Variants in HCN1 observed in about 807,000 individuals in gnomAD.
HCN1 encodes potassium/sodium hyperpolarization-activated cyclic nucleotide-gated channel 1.
HCN1 carries 13 observed loss-of-function variants against 78.9 expected under a neutral mutation model. That is an observed-to-expected ratio of 0.16 (90% CI 0.11 to 0.26). HCN1 has a LOEUF of 0.26. Among genes scored for constraint, HCN1 ranks in the 10% least tolerant of loss-of-function variants. The pLI, the probability that HCN1 is intolerant of heterozygous loss-of-function variation, is 1.00. For missense variants in HCN1, 810 were observed against 1,154.3 expected, an observed-to-expected ratio of 0.70 and a Z score of 4.32; for synonymous variants, 552 against 455.5, an observed-to-expected ratio of 1.21 and a Z score of -2.70.
intron 2 of HCN1, among the ~76,000 whole-genome samples, chr5:45,549,778 A>G (rs1037965417): frequency 1.3e-5 from 2 of 152,182 alleles, no homozygotes; most frequent in African/African-American, 4.8e-5. Flanking sequence ...CAGAATCTAC[A>G]AAGAACTCAA....
chr5:45,375,967 A>AG (rs1223277059), intron 4 of HCN1, among the ~76,000 whole-genome samples: 13 of 118,430 alleles, frequency 1.1e-4, no homozygotes, highest in African/African-American at 4.2e-4. Flanking sequence ...ATGATAAAAT[A>AG]TTTTATCACA....
At chr5:45,381,909 G>A (rs1747816773) in intron 4 of HCN1, among the ~76,000 whole-genome samples, 1 of 152,078 alleles carries the variant, frequency 6.6e-6, no homozygotes, top group Non-Finnish European at 1.5e-5. Flanking sequence ...CCATTGAAAT[G>A]TAAACTAATC....
intron 4 of HCN1, among the ~76,000 whole-genome samples, chr5:45,355,426 T>C (rs2111985636): frequency 6.6e-6 from 1 of 152,076 alleles, no homozygotes. Context: ...ACTCTACATT[T>C]GGGACACAGC....
intron 2 of HCN1, among the ~76,000 whole-genome samples, chr5:45,622,705 G>T (rs911074064): frequency 3.9e-5 from 6 of 152,084 alleles, no homozygotes; most frequent in African/African-American, 1.4e-4. Flanking sequence ...GAGATAAAAA[G>T]AAGCCCATCA....
chr5:45,453,579 A>C (rs1740966844), intron 3 of HCN1, among the ~76,000 whole-genome samples: 2 of 152,078 alleles, frequency 1.3e-5, no homozygotes, highest in African/African-American at 4.8e-5. Context: ...GGTTTATAAA[A>C]GATGAAGTTG....
intron 2 of HCN1, among the ~76,000 whole-genome samples, chr5:45,523,009 T>TC (rs1363037343): frequency 2.2e-5 from 3 of 136,680 alleles, no homozygotes; most frequent in Non-Finnish European, 4.7e-5. Flanking sequence ...CCCTCCCCAC[T>TC]CCCCCCACCC....
chr5:45,494,526 A>G (rs1001373207), intron 2 of HCN1, among the ~76,000 whole-genome samples: 10 of 151,746 alleles, frequency 6.6e-5, no homozygotes, highest in Non-Finnish European at 1.2e-4. Flanking sequence ...GTAGGTTGCG[A>G]AAATTTTCTC....
At chr5:45,613,511 T>C (rs1744883998) in intron 2 of HCN1, among the ~76,000 whole-genome samples, 1 of 152,108 alleles carries the variant, frequency 6.6e-6, no homozygotes, top group South Asian at 2.1e-4. Flanking sequence ...TTTACACTGT[T>C]GGTGGGACTG....
chr5:45,565,819 C>CAAT (rs753853682), intron 2 of HCN1, among the ~76,000 whole-genome samples: 5 of 151,922 alleles, frequency 3.3e-5, no homozygotes, highest in Non-Finnish European at 5.9e-5. Context: ...ACAACAACAA[C>CAAT]AATAATAATA....
intron 3 of HCN1, among the ~76,000 whole-genome samples, chr5:45,402,326 C>T (rs1355659345): frequency 6.6e-6 from 1 of 152,112 alleles, no homozygotes; most frequent in Non-Finnish European, 1.5e-5. Context: ...TGGTTCTTAA[C>T]TAAGGATGAT....
At chr5:45,351,809 A>C (rs1050994635) in intron 5 of HCN1, among the ~76,000 whole-genome samples, 3 of 151,732 alleles carry the variant, frequency 2.0e-5, no homozygotes, top group African/African-American at 7.3e-5. Context: ...GAGAAATGCA[A>C]ATCAAAACCA....
chr5:45,657,899 T>G (rs1478233992), intron 1 of HCN1, among the ~76,000 whole-genome samples: 1 of 152,168 alleles, frequency 6.6e-6, no homozygotes, highest in Admixed American at 6.5e-5. Flanking sequence ...ACTTTAAAGT[T>G]CATATGGAAC....
chr5:45,440,397 C>A (rs1740647097), intron 3 of HCN1, among the ~76,000 whole-genome samples: 1 of 152,238 alleles, frequency 6.6e-6, no homozygotes, highest in East Asian at 1.9e-4. Context: ...ATTATGTCTG[C>A]TTAATACTTA....
At chr5:45,630,174 T>A (rs763943397) in intron 2 of HCN1, among the ~76,000 whole-genome samples, 4 of 152,096 alleles carry the variant, frequency 2.6e-5, no homozygotes, top group Admixed American at 1.3e-4. Flanking sequence ...CACACGCCAA[T>A]CAATAGGGAC....
chr5:45,442,578 T>A (rs1465719964), intron 3 of HCN1, among the ~76,000 whole-genome samples: 1 of 150,430 alleles, frequency 6.6e-6, no homozygotes, highest in Admixed American at 6.6e-5. Flanking sequence ...TATAGGTATG[T>A]GTATATATAT....
At chr5:45,584,975 T>A (rs1344552588) in intron 2 of HCN1, among the ~76,000 whole-genome samples, 2 of 152,186 alleles carry the variant, frequency 1.3e-5, no homozygotes, top group Non-Finnish European at 2.9e-5. Flanking sequence ...TTTCCTTCAT[T>A]TCAACTTTGG....
At chr5:45,351,564 G>T (rs200435858) in intron 5 of HCN1, among the ~76,000 whole-genome samples, 10,097 of 91,042 alleles carry the variant, frequency 0.11, 539 homozygotes, top group African/African-American at 0.27. Context: ...CACAGCAAAA[G>T]AAACTACCAT....
intron 5 of HCN1, among the ~76,000 whole-genome samples, chr5:45,340,673 C>G (rs2111964453): frequency 6.6e-6 from 1 of 152,072 alleles, no homozygotes. Flanking sequence ...CAACTGATAC[C>G]AGGGTCTTCA....
At chr5:45,533,766 G>A (rs1038574211) in intron 2 of HCN1, among the ~76,000 whole-genome samples, 2 of 152,140 alleles carry the variant, frequency 1.3e-5, no homozygotes, top group Non-Finnish European at 2.9e-5. Flanking sequence ...GGCTGAGCTG[G>A]AGTTCAGTTT....
Sources: gnomAD v4.1 joint callset for allele counts (sites outside exome capture counted in the v4.1 genomes callset) on GRCh38, gnomAD v4.1.1 for gene constraint, MANE v1.5 for transcripts, NCBI Gene and HGNC (gene_info 2026-07-23, HGNC 2026-07-21) for gene names.